Variants in NR2C2 observed in about 807,000 individuals in gnomAD.
The protein encoded by NR2C2 is nuclear receptor subfamily 2 group C member 2, also known as Nuclear hormone receptor TR4.
Under a neutral mutation model 62.9 loss-of-function variants are expected in NR2C2, and 6 were observed. The ratio of observed to expected loss-of-function variants is 0.10; its 90% CI spans 0.05 to 0.19. The LOEUF is 0.19. Among genes scored for constraint, NR2C2 ranks in the 10% least tolerant of loss-of-function variants. The pLI is 1.00. For missense variants in NR2C2, 479 were observed against 762.7 expected, an observed-to-expected ratio of 0.63 and a Z score of 4.38; for synonymous variants, 272 against 273.8, an observed-to-expected ratio of 0.99 and a Z score of 0.07.
chr3:15,038,851 A>C, intron 12 of NR2C2: 1 of 350,214 alleles, frequency 2.9e-6, no homozygotes. Flanking sequence ...TTTCTAGGGT[A>C]GTAGGAAGCC....
At chr3:14,997,410 C>A (rs1307218742) in intron 1 of NR2C2, among the ~76,000 whole-genome samples, 1 of 152,214 alleles carries the variant, frequency 6.6e-6, no homozygotes, top group Non-Finnish European at 1.5e-5. Context: ...AATTAACTTG[C>A]AGACTAATAG....
At chr3:14,955,080 C>T (rs2039483144) in intron 1 of NR2C2, among the ~76,000 whole-genome samples, 1 of 152,164 alleles carries the variant, frequency 6.6e-6, no homozygotes, top group Admixed American at 6.6e-5. Context: ...GTCCAGCCAT[C>T]CCGGCCTCCT....
intron 11 of NR2C2, among the ~76,000 whole-genome samples, chr3:15,037,209 T>TTTTGTGTGTGTGTG (rs776536753): frequency 2.6e-4 from 34 of 130,298 alleles, no homozygotes; most frequent in South Asian, 2.5e-3. Context: ...TGTTTTTTGT[T>TTTTGTGTGTGTGTG]TGTGTGTGTG....
At chr3:15,011,763 A>C (rs1342313132) in intron 2 of NR2C2, among the ~76,000 whole-genome samples, 4 of 152,198 alleles carry the variant, frequency 2.6e-5, no homozygotes, top group Non-Finnish European at 5.9e-5. Context: ...CTGGTCTTGC[A>C]CTTGGCTGTG....
intron 2 of NR2C2, chr3:15,004,440 G>T: frequency 1.0e-6 from 1 of 989,208 alleles, no homozygotes. Flanking sequence ...CTTATAAAGT[G>T]CTTAGAATGG....
intron 1 of NR2C2, among the ~76,000 whole-genome samples, chr3:14,979,791 G>T (rs1259168171): frequency 1.3e-5 from 2 of 152,040 alleles, no homozygotes; most frequent in Non-Finnish European, 2.9e-5. Flanking sequence ...TGGGAGGTGC[G>T]GCCAGATCAT....
intron 2 of NR2C2, among the ~76,000 whole-genome samples, chr3:15,008,027 G>A (rs1040208017): frequency 7.9e-5 from 12 of 152,286 alleles, no homozygotes; most frequent in African/African-American, 2.9e-4. Context: ...AAGGTGGATA[G>A]GGATAAACTG....
intron 1 of NR2C2, among the ~76,000 whole-genome samples, chr3:15,003,506 G>C (rs879214010): frequency 6.6e-6 from 1 of 152,042 alleles, no homozygotes; most frequent in Admixed American, 6.6e-5. Context: ...AGCCTTTCTC[G>C]GGAAACCATA....
Position 15,046,442 on chromosome 3 carries a change from G to A in NR2C2, c.*3434G>A, listed in dbSNP as rs1347408486. The A allele has an allele frequency of 2.0e-5, 3 of 152,210 alleles. No homozygotes were observed. Among genetic ancestry groups the A allele is most frequent in the African/African-American group, 7.2e-5 (3 of 41,452 alleles). The allele number at this position is 152,210 out of a possible 1,614,324, so 9.4% of individuals were successfully genotyped here. A position where few individuals can be genotyped will look rare whatever the true frequency, so the allele number is the denominator to read the frequency against. On this transcript the variant is annotated 3_prime_UTR_variant, in exon 14 of 14. Coordinates refer to ENST00000425241, the MANE Select transcript of NR2C2 (RefSeq NM_001291694.2). ...TTGTTTGGGGGATAGTTACGGCAAG[G>A]AGCAAAAAATTCTAAGGACTCTAGC...
At chr3:14,971,450 A>G (rs970286464) in intron 1 of NR2C2, among the ~76,000 whole-genome samples, 2 of 151,628 alleles carry the variant, frequency 1.3e-5, no homozygotes, top group African/African-American at 4.9e-5. Context: ...GACATTTTCA[A>G]CTTACAATGG....
chr3:14,968,573 G>A (rs112026324), intron 1 of NR2C2, among the ~76,000 whole-genome samples: 1,917 of 149,690 alleles, frequency 0.013, 65 homozygotes, highest in African/African-American at 0.045. Context: ...GGAAGACAGT[G>A]TGGCGATTCC....
chr3:14,972,028 C>T (rs766297865), intron 1 of NR2C2, among the ~76,000 whole-genome samples: 8 of 151,518 alleles, frequency 5.3e-5, no homozygotes, highest in Non-Finnish European at 1.0e-4. Context: ...AGGCTGGTCT[C>T]GAACTCCTGA....
intron 1 of NR2C2, among the ~76,000 whole-genome samples, chr3:14,949,797 C>G (rs1053644231): frequency 3.9e-5 from 6 of 152,200 alleles, no homozygotes; most frequent in Non-Finnish European, 7.3e-5. Flanking sequence ...ACCAAGGTCT[C>G]ACTCTGTCGC....
rs764193834 is a variant in NR2C2, at chr3:15,003,978, C to T, written c.64C>T (p.Arg22Cys). ...STDSAVASPQ[R>C]IQIVTDQQTG... The stretch of plus-strand genomic sequence containing the variant: ...CGACTCTGCTGTAGCCTCACCTCAG[C>T]GCATTCAGGTACCTGCAACCTGCCA... The change falls in exon 2 of 14, where the codon CGC becomes TGC. Residue 22 changes from arginine to cysteine, a missense_variant. Around this residue, in one of 4 missense-constraint regions of NR2C2, gnomAD observed 115 missense variants for 152.3 expected, o/e 0.76. Transcript: ENST00000425241. 5 of 1,608,144 alleles carry T rather than the reference C, an allele frequency of 3.1e-6. No individual in the cohort carries two copies. The highest frequency in any genetic ancestry group is 4.2e-6 in the Non-Finnish European group (5 of 1,177,770).
chr3:15,028,478 C>G (rs2041883692), intron 7 of NR2C2, 108 bp from the exon 8 acceptor site: 93 of 991,180 alleles, frequency 9.4e-5, no homozygotes, highest in Non-Finnish European at 1.2e-4. Context: ...TGTAGTCACA[C>G]TTCCCTCTCC....
At position 15,043,303 on chromosome 3, in the gene NR2C2, T is replaced by C. The variant is rs1480433105; in HGVS notation, c.*295T>C. On this transcript the variant is annotated 3_prime_UTR_variant, in exon 14 of 14. Transcript: ENST00000425241. ...GCAAAAAACAAAAAAAAAGGTTTTA[T>C]AATGTCAGAGACTAGTATTAAAGAA... is the stretch of plus-strand genomic sequence containing the variant. The C allele has an allele frequency of 1.4e-5, 3 of 215,354 alleles. No homozygotes were observed. Among genetic ancestry groups the C allele is most frequent in the African/African-American group, 6.9e-5 (3 of 43,746 alleles). The allele number at this position is 215,354 out of a possible 1,614,324, so 13.3% of individuals were successfully genotyped here.
At chr3:15,039,470 G>C (rs1165653312) in intron 13 of NR2C2, among the ~76,000 whole-genome samples, 2 of 152,176 alleles carry the variant, frequency 1.3e-5, no homozygotes, top group African/African-American at 4.8e-5. Flanking sequence ...CCAGGACTGT[G>C]GCTGATTCCA....
chr3:14,974,311 A>AATTG (rs1333590451), intron 1 of NR2C2, among the ~76,000 whole-genome samples: 4 of 152,166 alleles, frequency 2.6e-5, no homozygotes, highest in African/African-American at 4.8e-5. Context: ...TAAGTTTTGA[A>AATTG]ATTGGGAAGT....
chr3:15,029,816 G>GATAGATAGATAA (rs2041923652), intron 8 of NR2C2, among the ~76,000 whole-genome samples: 8 of 125,380 alleles, frequency 6.4e-5, no homozygotes, highest in Non-Finnish European at 1.2e-4. Flanking sequence ...TAGATAGATA[G>GATAGATAGATAA]ATAGATAGAT....
Sources: gnomAD v4.1 joint callset for allele counts (sites outside exome capture counted in the v4.1 genomes callset) on GRCh38, gnomAD v4.1.1 for gene constraint, gnomAD v4.1.1 regional missense constraint, MANE v1.5 for transcripts, NCBI Gene and HGNC (gene_info 2026-07-23, HGNC 2026-07-21) for gene names.